The following SMURF1 variants were observed in gnomAD, a reference collection of about 807,000 sequenced individuals.
SMURF1 encodes E3 ubiquitin-protein ligase SMURF1.
SMURF1 carries 44 observed loss-of-function variants against 98.0 expected under a neutral mutation model. The observed-to-expected ratio is 0.45, with a 90% CI of 0.35 to 0.58. The LOEUF (loss-of-function observed/expected upper bound fraction) is 0.58, where lower values mean the gene tolerates loss of function less well. SMURF1 is among the 20% of genes least tolerant of loss of function. The pLI is 0.00. For synonymous variants in SMURF1, 396 were observed against 374.9 expected (o/e 1.06, Z -0.65); for missense variants, 687 against 938.4 (o/e 0.73, Z 3.50).
chr7:99,057,006 A>G (rs76051753), intron 5 of SMURF1, among the ~76,000 whole-genome samples, 199 bp downstream of exon 5: 1 of 151,060 alleles, frequency 6.6e-6, no homozygotes, highest in African/African-American at 2.4e-5. Flanking sequence ...AAAAAAAAAA[A>G]GCCAGGAGAA....
chr7:99,113,050 A>G (rs1302938954), intron 1 of SMURF1, among the ~76,000 whole-genome samples: 3 of 152,182 alleles, frequency 2.0e-5, no homozygotes, highest in Non-Finnish European at 2.9e-5. Flanking sequence ...ATCTGGCATA[A>G]CATAAGCATA....
At chr7:99,063,287 ATATATATATATATATAT>A (rs1796107683) in intron 1 of SMURF1, among the ~76,000 whole-genome samples, 12 of 23,606 alleles carry the variant, frequency 5.1e-4, no homozygotes, top group African/African-American at 1.3e-3. Context: ...ATATATATAT[ATATATATATATATATAT>A]AAAAAGAGAC....
At chr7:99,099,326 C>T (rs1797022691) in intron 1 of SMURF1, among the ~76,000 whole-genome samples, 1 of 150,022 alleles carries the variant, frequency 6.7e-6, no homozygotes, top group Non-Finnish European at 1.5e-5. Flanking sequence ...TTTCAATAGT[C>T]GAGGGAGGTT....
intron 1 of SMURF1, among the ~76,000 whole-genome samples, chr7:99,094,943 A>G (rs1048730151): frequency 3.9e-5 from 6 of 152,314 alleles, no homozygotes; most frequent in African/African-American, 1.4e-4. Flanking sequence ...CACTGGCTCC[A>G]TCAATGGCCA....
intron 17 of SMURF1, 58 bp downstream of exon 17, chr7:99,032,979 A>AACTG (rs1171646502): frequency 6.6e-7 from 1 of 1,522,776 alleles, no homozygotes; most frequent in Non-Finnish European, 8.9e-7. Flanking sequence ...AAAAAACGTG[A>AACTG]ACGTCAGCAT....
rs530652394 is a variant in SMURF1 at position 99,078,850 on chromosome 7, T to C, written c.56-17013A>G. Among the ~76,000 whole-genome samples the C allele has an allele frequency of 2.6e-5, 4 of 152,356 alleles. No individual in the cohort carries two copies. In the South Asian group the frequency reaches 6.2e-4, roughly 24 times the overall value. On this transcript the variant is annotated intron_variant, in intron 1 of 17. Transcript: ENST00000361368. ...TGCATGGTGAGTTGTAGAATTATTA[T>C]ATATTGCAATGTAATAATAATAGAA... is the stretch of plus-strand genomic sequence containing the variant.
rs1410307685 is a variant in SMURF1, at chr7:99,028,200, A to G, written c.*2384T>C. ...GCTTCGCGCGGACCCAAAGTAGAAC[A>G]GTCGGGAAGCTTTTACCATTTGCTT... On this transcript the variant is annotated 3_prime_UTR_variant, in exon 18 of 18. Transcript: ENST00000361368. 1 of 152,620 alleles carries G rather than the reference A, an allele frequency of 6.6e-6. No individual in the cohort carries two copies. The highest frequency in any genetic ancestry group is 1.9e-4 in the East Asian group (1 of 5,176). 9.5% of individuals were successfully genotyped at this position (152,620 alleles called of 1,614,324 possible).
intron 1 of SMURF1, 29 bp downstream of exon 1, chr7:99,143,697 G>C (rs750888861): frequency 6.5e-7 from 1 of 1,541,516 alleles, no homozygotes; most frequent in South Asian, 1.2e-5. Flanking sequence ...GGGGCGCCGG[G>C]GCGCGGGTGG....
chr7:99,086,716 GA>G (rs1465215219), intron 1 of SMURF1, among the ~76,000 whole-genome samples: 16 of 152,098 alleles, frequency 1.1e-4, no homozygotes, highest in Admixed American at 7.9e-4. Flanking sequence ...CCACACAATG[GA>G]ATATTATTCA....
At chr7:99,049,760 T>C in intron 8 of SMURF1, 51 bp from the exon 9 acceptor site, 1 of 1,570,166 alleles carries the variant, frequency 6.4e-7, no homozygotes, top group South Asian at 1.2e-5. Context: ...TATGGAGGAA[T>C]GAGACCAAAA....
At chr7:99,124,497 G>A (rs1043150453) in intron 1 of SMURF1, among the ~76,000 whole-genome samples, 3 of 152,148 alleles carry the variant, frequency 2.0e-5, no homozygotes, top group African/African-American at 4.8e-5. Context: ...GTGATCCAAC[G>A]GCAGGGAAGG....
chr7:99,086,365 A>G (rs2150573573), intron 1 of SMURF1, among the ~76,000 whole-genome samples: 1 of 151,184 alleles, frequency 6.6e-6, no homozygotes, highest in African/African-American at 2.4e-5. Context: ...AAAAAGAAAG[A>G]AAGAAATACC....
At chr7:99,063,166 T>C (rs1796076121) in intron 1 of SMURF1, among the ~76,000 whole-genome samples, 1 of 143,830 alleles carries the variant, frequency 7.0e-6, no homozygotes, top group Non-Finnish European at 1.5e-5. Flanking sequence ...AATAATGTCG[T>C]AAGTGATAAG....
At chr7:99,097,477 A>G (rs1399188863) in intron 1 of SMURF1, among the ~76,000 whole-genome samples, 1 of 152,220 alleles carries the variant, frequency 6.6e-6, no homozygotes, top group African/African-American at 2.4e-5. Flanking sequence ...GATTGATGAC[A>G]TTAAAAAAGG....
At chr7:99,052,676 G>A (rs192047869) in intron 6 of SMURF1, among the ~76,000 whole-genome samples, 1 of 152,184 alleles carries the variant, frequency 6.6e-6, no homozygotes, top group African/African-American at 2.4e-5. Context: ...AAGGCCAACT[G>A]TACAATTTCA....
chr7:99,083,961 G>A (rs1796625319), intron 1 of SMURF1, among the ~76,000 whole-genome samples: 1 of 152,178 alleles, frequency 6.6e-6, no homozygotes, highest in Non-Finnish European at 1.5e-5. Context: ...GCTGATGAGC[G>A]CCACTTGATA....
At position 99,119,845 on chromosome 7, in the gene SMURF1, C is replaced by T. The variant is rs199658417; in HGVS notation, c.55+23881G>A. Among the ~76,000 whole-genome samples, 67 of 152,302 alleles carry T rather than the reference C, an allele frequency of 4.4e-4. 1 individual carries two copies. The East Asian group carries it at 9.8e-3, about 22-fold the overall frequency. On this transcript the variant is annotated intron_variant, in intron 1 of 17. Transcript: ENST00000361368. ...ATACTCATGGTTATAGTCCAACACC[C>T]CATTTTCAACTCTTTTGTCTTGACT...
intron 1 of SMURF1, among the ~76,000 whole-genome samples, chr7:99,135,889 C>T (rs575612400): frequency 1.3e-5 from 2 of 152,338 alleles, no homozygotes; most frequent in South Asian, 2.1e-4. Flanking sequence ...TTTCCACACT[C>T]TTGTCTCATC....
chr7:99,137,378 C>G lies in SMURF1; in HGVS notation c.55+6348G>C, dbSNP rs577651024. Among the ~76,000 whole-genome samples, 8 of 152,338 alleles carry G rather than the reference C, an allele frequency of 5.3e-5. No homozygotes were observed. In the East Asian group the frequency reaches 9.6e-4, roughly 18 times the overall value. Reference sequence around the variant, plus strand: ...ATCATAATCCTATGCACCCCCTCCCCTTTCTTCATTGTGGTACTTGTGTGA... The same window carrying G: ...ATCATAATCCTATGCACCCCCTCCCGTTTCTTCATTGTGGTACTTGTGTGA... On this transcript the variant is annotated intron_variant, in intron 1 of 17. Coordinates refer to ENST00000361368, the MANE Select transcript of SMURF1 (RefSeq NM_181349.3).
Sources: gnomAD v4.1 joint callset for allele counts (sites outside exome capture counted in the v4.1 genomes callset) on GRCh38, gnomAD v4.1.1 for gene constraint, MANE v1.5 for transcripts, NCBI Gene and HGNC (gene_info 2026-07-23, HGNC 2026-07-21) for gene names.